Variants in MAPK10 observed in about 807,000 individuals in gnomAD.
MAPK10 encodes the protein JNK3 alpha protein kinase.
A neutral mutation model predicts 59.3 loss-of-function variants in MAPK10; 25 were observed. That is an observed-to-expected ratio of 0.42 (90% confidence interval 0.31 to 0.59). MAPK10 has a LOEUF of 0.59. Ranked by LOEUF, MAPK10 falls within the 20% of genes least tolerant of loss-of-function variation. MAPK10 has a pLI of 0.15. For synonymous variants in MAPK10, 190 were observed against 200.5 expected (o/e 0.95, Z 0.44); for missense variants, 351 against 568.9 (o/e 0.62, Z 3.90).
At chr4:86,230,334 C>G (rs2091359387) in intron 2 of MAPK10, among the ~76,000 whole-genome samples, 1 of 152,176 alleles carries the variant, frequency 6.6e-6, no homozygotes. Flanking sequence ...TAAATTGTAT[C>G]ACTCAAAGAA....
At chr4:86,143,998 T>C (rs1389137201) in intron 4 of MAPK10, among the ~76,000 whole-genome samples, 1 of 152,184 alleles carries the variant, frequency 6.6e-6, no homozygotes, top group Non-Finnish European at 1.5e-5. Flanking sequence ...TTTCAATTAA[T>C]CATACTAAAT....
chr4:86,427,157 T>C (rs1228958061), intron 1 of MAPK10, among the ~76,000 whole-genome samples: 1 of 148,310 alleles, frequency 6.7e-6, no homozygotes, highest in Non-Finnish European at 1.5e-5. Flanking sequence ...CTCAGGAGGC[T>C]GAGGCAGGAG....
At chr4:86,455,683 A>G (rs1184730502), upstream of MAPK10, among the ~76,000 whole-genome samples, 1 of 152,242 alleles carries the variant, frequency 6.6e-6, no homozygotes, top group Non-Finnish European at 1.5e-5. Flanking sequence ...CTAAGAAATG[A>G]GATAGACAGC....
intron 1 of MAPK10, among the ~76,000 whole-genome samples, chr4:86,431,445 C>T (rs993181372): frequency 1.3e-5 from 2 of 152,046 alleles, no homozygotes; most frequent in African/African-American, 4.8e-5. Context: ...TGTCATCTGA[C>T]AAAACAGAAT....
At chr4:86,376,653 G>A (rs979012733) in intron 1 of MAPK10, among the ~76,000 whole-genome samples, 7 of 152,132 alleles carry the variant, frequency 4.6e-5, no homozygotes, top group East Asian at 1.9e-4. Context: ...TATTAAGGAC[G>A]TATATAATTA....
At chr4:86,305,542 G>T (rs185614584) in intron 2 of MAPK10, among the ~76,000 whole-genome samples, 2 of 152,226 alleles carry the variant, frequency 1.3e-5, no homozygotes, top group Non-Finnish European at 2.9e-5. Context: ...ATCAAGGCCG[G>T]GCACCGTGGT....
At chr4:86,205,605 AT>A (rs1312731186) in intron 2 of MAPK10, among the ~76,000 whole-genome samples, 6 of 152,024 alleles carry the variant, frequency 3.9e-5, no homozygotes, top group African/African-American at 1.4e-4. Flanking sequence ...TTAGGAAAAA[AT>A]AATACAGAAA....
intron 2 of MAPK10, among the ~76,000 whole-genome samples, chr4:86,294,322 T>A (rs2095303656): frequency 1.3e-5 from 2 of 152,190 alleles, no homozygotes; most frequent in African/African-American, 4.8e-5. Context: ...TAGGTTTACT[T>A]TGAGATAACC....
chr4:86,350,359 A>T (rs1432478771), intron 2 of MAPK10, among the ~76,000 whole-genome samples: 11 of 152,022 alleles, frequency 7.2e-5, no homozygotes, highest in Middle Eastern at 3.4e-3. Context: ...GGACTACAGG[A>T]ACCCGCCACC....
intron 3 of MAPK10, among the ~76,000 whole-genome samples, chr4:86,173,230 G>T (rs373056335): frequency 1.3e-5 from 2 of 152,074 alleles, no homozygotes; most frequent in African/African-American, 2.4e-5. Flanking sequence ...ATACTACAAG[G>T]CTGCAGTAAT....
rs138528975 is a variant in MAPK10 at position 86,180,337 on chromosome 4, T to A, written c.66+13999A>T. Among the ~76,000 whole-genome samples, 104 of 151,822 alleles carry A rather than the reference T, an allele frequency of 6.9e-4. No homozygotes were observed. In the Middle Eastern group the frequency reaches 0.017, roughly 25 times the overall value. On this transcript the variant is annotated intron_variant, in intron 3 of 13. Transcript: ENST00000641462. ...TATAAAAAGGACAAAAAATAATAAATGTTGGTGAGATATGGAGAAAAGGAA... is the reference window on the plus strand; with the variant it reads ...TATAAAAAGGACAAAAAATAATAAAAGTTGGTGAGATATGGAGAAAAGGAA...
At chr4:86,145,866 TA>T (rs200234479) in intron 4 of MAPK10, among the ~76,000 whole-genome samples, 5 of 150,314 alleles carry the variant, frequency 3.3e-5, no homozygotes, top group South Asian at 2.1e-4. Context: ...CTCCTGCCAT[TA>T]AAAAAAAATG....
rs1488316739 is a variant in MAPK10 at position 86,031,445 on chromosome 4, A to G, written c.1111-14T>C. On this transcript the variant is annotated splice_polypyrimidine_tract_variant and intron_variant, in intron 11 of 13. Coordinates refer to ENST00000641462, the MANE Select transcript of MAPK10 (RefSeq NM_138982.4). ...CTGAGGTGGAGGCTGCCGAATAAAA[A>G]CAAAAAATAATCTTTGTGTGATAAT... The G allele has an allele frequency of 6.3e-7, 1 of 1,586,644 alleles. No homozygotes were observed. The highest frequency in any genetic ancestry group is 2.2e-5 in the East Asian group (1 of 44,734).
intron 13 of MAPK10, among the ~76,000 whole-genome samples, chr4:86,018,562 G>A (rs1388120476): frequency 6.6e-6 from 1 of 152,210 alleles, no homozygotes; most frequent in Non-Finnish European, 1.5e-5. Context: ...GTAAAGGCTA[G>A]CTGAGTTGCC....
intron 2 of MAPK10, among the ~76,000 whole-genome samples, chr4:86,218,874 G>C (rs1322997513): frequency 4.6e-5 from 7 of 152,154 alleles, no homozygotes; most frequent in Admixed American, 3.3e-4. Context: ...AGAGGGAAAT[G>C]ATTTGTAAAA....
chr4:86,326,528 T>TC (rs1564402979), intron 2 of MAPK10: 2 of 151,960 alleles, frequency 1.3e-5, no homozygotes, highest in Non-Finnish European at 2.9e-5. Context: ...TTCTCTCAAC[T>TC]CCCCCTAAAT....
rs57390422 is a variant in MAPK10 at position 86,527,312 on chromosome 4, C to CAAAAAAAAAAAA, written c.-263+66586_-263+66597dup. 2.5e-4 allele frequency among the ~76,000 whole-genome samples: 4 copies of CAAAAAAAAAAAA among 16,196 alleles called. 1 individual carries two copies. Among genetic ancestry groups the CAAAAAAAAAAAA allele is most frequent in the Non-Finnish European group, 5.6e-4 (4 of 7,144 alleles). 10.6% of individuals were successfully genotyped at this position (16,196 alleles called of 152,430 possible). On this transcript the variant is annotated intron_variant, in intron 1 of 4. Transcript: ENST00000502302. ...GAGCAACAGAGTGAGACACTGTTGC[C>CAAAAAAAAAAAA]AAAAAAAAAAAAAAAAAAAAAAAAA...
chr4:86,024,823 T>C (rs1749367446), intron 13 of MAPK10: 1 of 152,248 alleles, frequency 6.6e-6, no homozygotes, highest in South Asian at 2.1e-4. Context: ...GTTGGAATGG[T>C]CCTGCCCTCT....
intron 1 of MAPK10, among the ~76,000 whole-genome samples, chr4:86,569,572 G>A (rs1487641168): frequency 1.3e-5 from 2 of 152,034 alleles, no homozygotes; most frequent in African/African-American, 4.8e-5. Context: ...CTACCTGTGG[G>A]ATTTAAAAAA....
Sources: gnomAD v4.1 joint callset for allele counts (sites outside exome capture counted in the v4.1 genomes callset) on GRCh38, gnomAD v4.1.1 for gene constraint, MANE v1.5 for transcripts, NCBI Gene and HGNC (gene_info 2026-07-23, HGNC 2026-07-21) for gene names.